Variants in ANKIB1 observed in about 807,000 individuals in gnomAD.
ANKIB1 encodes ankyrin repeat and IBR domain containing 1.
Under a neutral mutation model 122.1 loss-of-function variants are expected in ANKIB1, and 43 were observed. That is an observed-to-expected ratio of 0.35 (90% confidence interval 0.28 to 0.45). ANKIB1 has a LOEUF of 0.45. Among genes scored for constraint, ANKIB1 ranks in the 20% least tolerant of loss-of-function variants. The pLI, the probability that ANKIB1 is intolerant of heterozygous loss-of-function variation, is 1.00. For missense variants in ANKIB1, 992 were observed against 1,329.5 expected, an observed-to-expected ratio of 0.75 and a Z score of 3.95; for synonymous variants, 390 against 442.0, an observed-to-expected ratio of 0.88 and a Z score of 1.48.
rs964520279 is a variant in ANKIB1, at chr7:92,398,830, G to A, written c.3151G>A (p.Ala1051Thr). ...PLEENILAGE[A>T]ASQAGDSGNE... is the part of the protein sequence containing the mutation. ...GGAAGAAAATATTCTGGCGGGGGAA[G>A]CAGCATCTCAAGCTGGTGACAGTGG... The change falls in exon 20 of 20, where the codon GCA (alanine) becomes ACA (threonine). Residue 1051 changes from alanine to threonine, a missense_variant. Ala to Thr is a moderately conservative substitution (Grantham distance 58). Coordinates refer to ENST00000265742, the MANE Select transcript of ANKIB1 (RefSeq NM_019004.2). 15 of 1,604,872 alleles carry A rather than the reference G, an allele frequency of 9.3e-6. No individual in the cohort carries two copies. In the East Asian group the frequency reaches 2.5e-4, roughly 26 times the overall value.
chr7:92,352,752 C>A (rs1274642592), intron 9 of ANKIB1, 110 bp downstream of exon 9: 7 of 1,129,568 alleles, frequency 6.2e-6, no homozygotes, highest in Non-Finnish European at 7.5e-6. Flanking sequence ...TGATAGTATT[C>A]TTCTTAATTT....
chr7:92,274,880 T>C (rs954914529), intron 1 of ANKIB1, among the ~76,000 whole-genome samples: 4 of 152,176 alleles, frequency 2.6e-5, no homozygotes, highest in Non-Finnish European at 4.4e-5. Flanking sequence ...TGAGCTGTGA[T>C]AGCACCACTG....
Position 92,343,123 on chromosome 7 carries a change from A to G in ANKIB1, c.887A>G (p.Tyr296Cys), listed in dbSNP as rs1303496712. 2 of 1,614,002 alleles carry G rather than the reference A, an allele frequency of 1.2e-6. No homozygotes were observed. The highest frequency in any genetic ancestry group is 2.2e-5 in the South Asian group (2 of 91,084). The change falls in exon 6 of 20, where the codon TAT becomes TGT. Residue 296 changes from tyrosine to cysteine, a missense_variant. Tyr to Cys is a radical substitution (Grantham distance 194). Around this residue, in one of 4 missense-constraint regions of ANKIB1, gnomAD observed 521 missense variants for 777.7 expected, o/e 0.67. Transcript: ENST00000265742. ...VQMPTPPPSG[Y>C]NAWDTLPSPR... ...ATGCCAACTCCACCACCAAGTGGGTATAATGCCTGGGACACGCTCCCATCT... is the reference window on the plus strand; with the variant it reads ...ATGCCAACTCCACCACCAAGTGGGTGTAATGCCTGGGACACGCTCCCATCT...
At chr7:92,394,267 T>G (rs1414793335) in intron 17 of ANKIB1, among the ~76,000 whole-genome samples, 3 of 152,220 alleles carry the variant, frequency 2.0e-5, no homozygotes. Context: ...CTTTTCCCTC[T>G]GTAAATCCTA....
chr7:92,339,981 T>C (rs1453690663), intron 5 of ANKIB1, among the ~76,000 whole-genome samples: 2 of 152,030 alleles, frequency 1.3e-5, no homozygotes, highest in African/African-American at 4.8e-5. Flanking sequence ...CAGAAAATTC[T>C]AGTTTTTTTG....
At chr7:92,259,394 G>A (rs1354337072) in intron 1 of ANKIB1, among the ~76,000 whole-genome samples, 1 of 152,052 alleles carries the variant, frequency 6.6e-6, no homozygotes, top group Non-Finnish European at 1.5e-5. Context: ...TGTAGTTTCT[G>A]TATACTTCTG....
chr7:92,289,574 G>A (rs899135912), intron 1 of ANKIB1, among the ~76,000 whole-genome samples: 1 of 152,114 alleles, frequency 6.6e-6, no homozygotes, highest in Non-Finnish European at 1.5e-5. Context: ...TCTAAACTCT[G>A]ACATGCATTA....
rs1464863939 is a variant in ANKIB1, at chr7:92,319,612, C to T, written c.669+100C>T. Reference sequence around the variant, plus strand: ...TTTAAAACTCAGTTTGTGTGTTCTTCTTTACAGTATTCTAAATATCCTGTC... The same window carrying T: ...TTTAAAACTCAGTTTGTGTGTTCTTTTTTACAGTATTCTAAATATCCTGTC... On this transcript the variant is annotated intron_variant, in intron 4 of 19. Coordinates refer to ENST00000265742, the MANE Select transcript of ANKIB1 (RefSeq NM_019004.2). 63 of 1,078,180 alleles carry T rather than the reference C, an allele frequency of 5.8e-5. 1 individual carries two copies. In the Middle Eastern group the frequency reaches 1.1e-3, roughly 18 times the overall value. The allele number at this position is 1,078,180 out of a possible 1,614,324, so 66.8% of individuals were successfully genotyped here. A position where few individuals can be genotyped will look rare whatever the true frequency, so the allele number is the denominator to read the frequency against.
chr7:92,288,173 C>T (rs1339162285), intron 1 of ANKIB1, among the ~76,000 whole-genome samples: 8 of 151,766 alleles, frequency 5.3e-5, no homozygotes, highest in East Asian at 1.9e-4. Flanking sequence ...AATACAGGGC[C>T]AATATACAAA....
intron 9 of ANKIB1, among the ~76,000 whole-genome samples, chr7:92,360,077 T>G (rs1029412773): frequency 6.6e-6 from 1 of 152,190 alleles, no homozygotes; most frequent in Admixed American, 6.6e-5. Flanking sequence ...TTGGTGCATT[T>G]TTTTTTACCA....
chr7:92,302,826 C>A (rs1439866445), intron 2 of ANKIB1, among the ~76,000 whole-genome samples: 1 of 152,138 alleles, frequency 6.6e-6, no homozygotes, highest in Admixed American at 6.5e-5. Flanking sequence ...CCTCTCCCAA[C>A]CCCCCTTATC....
In ANKIB1 at chr7:92,399,333, T is replaced by TA. The variant is rs200338114; in HGVS notation, c.*399dup. 0.1 allele frequency: 14,596 copies of TA among 143,064 alleles called. 832 individuals are homozygous for TA. The highest frequency in any genetic ancestry group is 0.23 in the Middle Eastern group (66 of 288). The allele number at this position is 143,064 out of a possible 1,614,324, so 8.9% of individuals were successfully genotyped here. On this transcript the variant is annotated 3_prime_UTR_variant, in exon 20 of 20. Transcript: ENST00000265742. The stretch of plus-strand genomic sequence containing the variant: ...CCCTAATCTTTGGGTGGCTTTCCTT[T>TA]AAAAAAAAAAAAAAAGTTTTCTTCA...
At position 92,391,340 on chromosome 7, in the gene ANKIB1, C is replaced by T. The variant is rs373205235; in HGVS notation, c.2227C>T (p.Arg743Cys). 18 of 1,609,958 alleles carry T rather than the reference C, an allele frequency of 1.1e-5. No homozygotes were observed. The highest frequency in any genetic ancestry group is 4.5e-5 in the East Asian group (2 of 44,760). ...APADSPEAPR[R>C]SFAGGTWDWE... ...TGCAGACTCACCAGAAGCTCCAAGG[C>T]GCAGGTAAAAAGGACGTACACTGTG... Residue 743 changes from arginine (R) to cysteine (C), a missense_variant, in exon 16 of 20, where the codon CGC becomes TGC. Coordinates refer to ENST00000265742, the MANE Select transcript of ANKIB1 (RefSeq NM_019004.2).
intron 1 of ANKIB1, among the ~76,000 whole-genome samples, chr7:92,249,868 C>T (rs896947400): frequency 6.6e-6 from 1 of 152,046 alleles, no homozygotes; most frequent in African/African-American, 2.4e-5. Flanking sequence ...AGATCTCCCC[C>T]CCCACACGCG....
intron 3 of ANKIB1, among the ~76,000 whole-genome samples, chr7:92,308,213 G>A (rs1468454695): frequency 2.0e-5 from 3 of 152,056 alleles, no homozygotes; most frequent in Admixed American, 6.6e-5. Context: ...TTTAGGGAGA[G>A]AGAAAGCCTC....
chr7:92,272,496 G>T (rs1054242968), intron 1 of ANKIB1, among the ~76,000 whole-genome samples: 1 of 152,138 alleles, frequency 6.6e-6, no homozygotes, highest in Non-Finnish European at 1.5e-5. Context: ...CAAAATGAGG[G>T]CATAGTTCAA....
At chr7:92,295,206 C>A in intron 2 of ANKIB1, 40 bp downstream of exon 2, 2 of 1,337,542 alleles carry the variant, frequency 1.5e-6, no homozygotes, top group East Asian at 2.7e-5. Flanking sequence ...AGGGTATTAC[C>A]GTAAACTAAT....
chr7:92,371,498 AC>A lies in ANKIB1; in HGVS notation c.1509del (p.Tyr503Ter). 6.2e-7 allele frequency: 1 copy of A among 1,606,718 alleles called. No homozygotes were observed. On this transcript the variant is annotated frameshift_variant, in exon 11 of 20. Transcript: ENST00000265742. LOFTEE classifies it high-confidence loss of function. Reference sequence around the variant, plus strand: ...AAAGTTGTGGGAGTTAGTGAAGCCTACGAGGATGCCGCCAATTGTCTCTGGT... The same window carrying A: ...AAAGTTGTGGGAGTTAGTGAAGCCTAGAGGATGCCGCCAATTGTCTCTGGT... ...PEELVGVSEA[Y>X]EDAANCLWLL...
At chr7:92,344,496 C>T (rs1046370355) in intron 6 of ANKIB1, among the ~76,000 whole-genome samples, 8 of 151,966 alleles carry the variant, frequency 5.3e-5, no homozygotes, top group South Asian at 2.1e-4. Flanking sequence ...TGAGCCACCG[C>T]GCCCGGCCTA....
Sources: allele counts gnomAD v4.1 joint callset (sites outside exome capture counted in the v4.1 genomes callset), GRCh38; gene constraint gnomAD v4.1.1; regional missense constraint gnomAD v4.1.1; transcripts MANE v1.5; gene names NCBI Gene and HGNC (gene_info 2026-07-23, HGNC 2026-07-21).